Variants in INPP4B observed in about 807,000 individuals in gnomAD.
INPP4B encodes the protein inositol polyphosphate 4-phosphatase type II.
In INPP4B, 55 loss-of-function variants were observed where a neutral mutation model predicts 122.5. The observed-to-expected ratio is 0.45, with a 90% CI of 0.36 to 0.56. The LOEUF (loss-of-function observed/expected upper bound fraction) is 0.56, where lower values mean the gene tolerates loss of function less well. Among genes scored for constraint, INPP4B ranks in the 20% least tolerant of loss-of-function variants. The pLI, the probability that INPP4B is intolerant of heterozygous loss-of-function variation, is 0.00. For synonymous variants in INPP4B, 403 were observed against 388.7 expected (o/e 1.04, Z -0.43); for missense variants, 1,000 against 1,097.7 (o/e 0.91, Z 1.26).
At chr4:142,633,751 G>A (rs1005649081) in intron 2 of INPP4B, among the ~76,000 whole-genome samples, 1 of 151,830 alleles carries the variant, frequency 6.6e-6, no homozygotes, top group African/African-American at 2.4e-5. Flanking sequence ...TATCAAAAAG[G>A]TAAAATGACA....
Position 142,145,901 on chromosome 4 carries a change from G to C in INPP4B, c.1659C>G (p.Gly553=). The C allele has an allele frequency of 1.2e-6, 2 of 1,613,602 alleles. No homozygotes were observed. The highest frequency in any genetic ancestry group is 1.7e-6 in the Non-Finnish European group (2 of 1,179,720). ...IERDGGSEGS[G]GNNDGEKEPS... ...GTTCCTTTTCTCCATCATTGTTGCCGCCACTGCCTTCACTGCCACCATCTC... is the reference window on the plus strand; with the variant it reads ...GTTCCTTTTCTCCATCATTGTTGCCCCCACTGCCTTCACTGCCACCATCTC... The change falls in exon 18 of 26, where the codon GGC becomes GGG. Residue 553 remains glycine (G), a synonymous_variant. Coordinates refer to ENST00000262992, the MANE Select transcript of INPP4B (RefSeq NM_001101669.3).
At chr4:142,732,414 A>G (rs1334553775) in intron 1 of INPP4B, among the ~76,000 whole-genome samples, 1 of 152,188 alleles carries the variant, frequency 6.6e-6, no homozygotes, top group Admixed American at 6.5e-5. Flanking sequence ...ATTTCTTTTA[A>G]TAAATGATGA....
chr4:142,837,759 T>C (rs1476039939), intron 1 of INPP4B, among the ~76,000 whole-genome samples: 1 of 152,114 alleles, frequency 6.6e-6, no homozygotes, highest in Admixed American at 6.5e-5. Context: ...AGCAATTTGG[T>C]AATATGTATA....
At chr4:142,507,886 T>C (rs1041845684) in intron 2 of INPP4B, among the ~76,000 whole-genome samples, 1 of 152,194 alleles carries the variant, frequency 6.6e-6, no homozygotes, top group Non-Finnish European at 1.5e-5. Context: ...AGATTCATTC[T>C]AATTATGTAA....
intron 7 of INPP4B, among the ~76,000 whole-genome samples, chr4:142,372,324 ATTAG>A (rs1259518186): frequency 1.3e-5 from 2 of 152,086 alleles, no homozygotes; most frequent in African/African-American, 2.4e-5. Flanking sequence ...CATAGAAGGA[ATTAG>A]TTATAGTGTT....
At chr4:142,392,371 G>A (rs1400521434) in intron 7 of INPP4B, among the ~76,000 whole-genome samples, 2 of 152,162 alleles carry the variant, frequency 1.3e-5, no homozygotes, top group African/African-American at 4.8e-5. Flanking sequence ...AAGGGGGTCT[G>A]TTATGTGCAC....
intron 2 of INPP4B, among the ~76,000 whole-genome samples, chr4:142,720,145 T>C (rs977497522): frequency 6.6e-6 from 1 of 152,198 alleles, no homozygotes; most frequent in Non-Finnish European, 1.5e-5. Context: ...TAAAAATAAC[T>C]TGTTACATGT....
At chr4:142,843,190 G>A (rs1783772835) in intron 1 of INPP4B, among the ~76,000 whole-genome samples, 2 of 150,510 alleles carry the variant, frequency 1.3e-5, no homozygotes, top group South Asian at 2.1e-4. Context: ...AGAACACAAA[G>A]ACTACATGTA....
chr4:142,484,491 G>T (rs1820962223), intron 2 of INPP4B, among the ~76,000 whole-genome samples: 1 of 151,614 alleles, frequency 6.6e-6, no homozygotes. Flanking sequence ...GAATTAGAAG[G>T]GTCTTGATAC....
At chr4:142,712,376 C>T (rs144812467) in intron 2 of INPP4B, among the ~76,000 whole-genome samples, 1,696 of 152,246 alleles carry the variant, frequency 0.011, 28 homozygotes, top group African/African-American at 0.037. Flanking sequence ...CCCTTAACTG[C>T]GCTCCTGCTG....
intron 2 of INPP4B, among the ~76,000 whole-genome samples, chr4:142,641,901 C>T (rs1180402993): frequency 6.6e-6 from 1 of 152,154 alleles, no homozygotes; most frequent in Non-Finnish European, 1.5e-5. Flanking sequence ...AAAAGTGTTC[C>T]TATTTCTCCA....
chr4:142,056,402 A>C (rs1757728590), intron 25 of INPP4B, among the ~76,000 whole-genome samples: 1 of 152,166 alleles, frequency 6.6e-6, no homozygotes, highest in South Asian at 2.1e-4. Flanking sequence ...AGAAGATAAG[A>C]TATTCAGTTG....
intron 7 of INPP4B, among the ~76,000 whole-genome samples, chr4:142,336,571 G>A (rs1776663990): frequency 6.6e-6 from 1 of 152,252 alleles, no homozygotes; most frequent in Admixed American, 6.5e-5. Context: ...AGGGGTTGGG[G>A]GAAGAAGAGA....
chr4:142,347,374 C>T, intron 7 of INPP4B: 1 of 265,316 alleles, frequency 3.8e-6, no homozygotes, highest in Non-Finnish European at 7.4e-6. Flanking sequence ...TTCCAATTAC[C>T]TGATTATTAT....
intron 3 of INPP4B, among the ~76,000 whole-genome samples, chr4:142,443,695 T>A (rs866033049): frequency 2.0e-5 from 3 of 151,514 alleles, no homozygotes; most frequent in African/African-American, 7.3e-5. Context: ...CAAGCACAAA[T>A]AATGAACCTC....
chr4:142,367,303 G>A (rs181496736), intron 7 of INPP4B, among the ~76,000 whole-genome samples: 53 of 151,794 alleles, frequency 3.5e-4, no homozygotes, highest in African/African-American at 1.2e-3. Context: ...GGTTAAAGAT[G>A]ATACAGTAAA....
chr4:142,662,129 G>A (rs1434703826), intron 2 of INPP4B, among the ~76,000 whole-genome samples: 1 of 152,070 alleles, frequency 6.6e-6, no homozygotes, highest in African/African-American at 2.4e-5. Context: ...CAGCTACTCG[G>A]GAGGCTGAGG....
intron 11 of INPP4B, among the ~76,000 whole-genome samples, chr4:142,241,515 T>C (rs576609544): frequency 7.9e-5 from 12 of 152,282 alleles, no homozygotes; most frequent in African/African-American, 2.9e-4. Context: ...TCCCAGATTG[T>C]AATAGGGACA....
At chr4:142,142,244 T>C (rs1013103428) in intron 18 of INPP4B, among the ~76,000 whole-genome samples, 12 of 152,114 alleles carry the variant, frequency 7.9e-5, no homozygotes, top group Non-Finnish European at 1.5e-4. Flanking sequence ...AAAATAATAT[T>C]TTGGAATATA....
Sources: gnomAD v4.1 joint callset for allele counts (sites outside exome capture counted in the v4.1 genomes callset) on GRCh38, gnomAD v4.1.1 for gene constraint, MANE v1.5 for transcripts, NCBI Gene and HGNC (gene_info 2026-07-23, HGNC 2026-07-21) for gene names.